Variants in IGSF10 observed in about 807,000 individuals in gnomAD.
IGSF10 encodes immunoglobulin superfamily member 10.
IGSF10 carries 126 observed loss-of-function variants against 128.2 expected under a neutral mutation model. The observed-to-expected ratio is 0.98, with a 90% CI of 0.85 to 1.14. The LOEUF (loss-of-function observed/expected upper bound fraction) is 1.14. Ranked by LOEUF, IGSF10 falls within the 50% of genes most tolerant of loss-of-function variation. The probability of loss-of-function intolerance (pLI) is 0.00; values close to 1 mark genes in which losing one functional copy is unlikely to be tolerated. For missense variants in IGSF10, 3,295 were observed against 3,149.8 expected (o/e 1.05, Z -1.10); for synonymous variants, 1,185 against 1,146.2 (o/e 1.03, Z -0.68).
the IGSF10 span, among the ~76,000 whole-genome samples, chr3:151,505,949 CTTTTT>C: frequency 1.6e-4 from 2 of 12,662 alleles, no homozygotes; most frequent in African/African-American, 2.7e-4. Flanking sequence ...CTTCTTCTTC[CTTTTT>C]TTTTTTTTTT....
chr3:151,495,512 G>A, the IGSF10 span, among the ~76,000 whole-genome samples: 3 of 151,940 alleles, frequency 2.0e-5, no homozygotes, highest in African/African-American at 4.8e-5. Flanking sequence ...CATTATCCGT[G>A]ACAACATTAG....
downstream of IGSF10, chr3:151,434,277 A>C (rs950050997): frequency 6.6e-6 from 1 of 152,190 alleles, no homozygotes; most frequent in Non-Finnish European, 1.5e-5. Flanking sequence ...TTTGCAAATC[A>C]TTATCTATAA....
intron 5 of IGSF10, among the ~76,000 whole-genome samples, chr3:151,451,732 T>C (rs1412783642): frequency 2.6e-5 from 4 of 152,242 alleles, no homozygotes; most frequent in African/African-American, 7.2e-5. Context: ...CTATGACATA[T>C]ATTAAATTTG....
downstream of IGSF10, chr3:151,435,629 T>TAAGTAAGTA (rs914954121): frequency 1.7e-5 from 2 of 115,662 alleles, no homozygotes; most frequent in Admixed American, 1.9e-4. Context: ...AATTCTTAAG[T>TAAGTAAGTA]AAGTACTAGG....
rs771259039 is a variant in IGSF10, at chr3:151,446,052, C to T, written c.3929G>A (p.Ser1310Asn). 5 of 1,613,884 alleles carry T rather than the reference C, an allele frequency of 3.1e-6. No individual in the cohort carries two copies. The highest frequency in any genetic ancestry group is 4.2e-6 in the Non-Finnish European group (5 of 1,180,020). Reference sequence around the variant, plus strand: ...TATTGCTGTTTGCGTTGATATGATGCTTTTTGTACTTGAGTCTTTGCTTAT... The same window carrying T: ...TATTGCTGTTTGCGTTGATATGATGTTTTTTGTACTTGAGTCTTTGCTTAT... Reference protein sequence around the residue: ...SIISKDSSTKSIISTQTAIPA... With the variant: ...SIISKDSSTKNIISTQTAIPA... The change falls in exon 6 of 8, where the codon AGC becomes AAC. Residue 1310 changes from serine to asparagine, a missense_variant. Ser to Asn is a conservative substitution (Grantham distance 46). Transcript: ENST00000282466.
chr3:151,443,305 C>T lies in IGSF10; in HGVS notation c.5642G>A (p.Gly1881Asp), dbSNP rs1477022137. 2.5e-6 allele frequency: 4 copies of T among 1,613,894 alleles called. No individual in the cohort carries two copies. The highest frequency in any genetic ancestry group is 3.4e-6 in the Non-Finnish European group (4 of 1,179,932). ...QPSVYWVLSDGTEVKPLQFTN... is the reference protein window; with the variant it reads ...QPSVYWVLSDDTEVKPLQFTN... The stretch of plus-strand genomic sequence containing the variant: ...AAACTGTAATGGTTTCACTTCAGTG[C>T]CATCAGAGAGGACCCAGTAAACGCT... Residue 1881 changes from glycine (G) to aspartate (D), a missense_variant, in exon 7 of 8, where the codon GGC becomes GAC. Transcript: ENST00000282466.
the IGSF10 span, among the ~76,000 whole-genome samples, chr3:151,548,424 A>G: frequency 6.6e-6 from 1 of 152,214 alleles, no homozygotes; most frequent in African/African-American, 2.4e-5. Flanking sequence ...TGGAGAAGAG[A>G]TAAGCCATTC....
intron 4 of IGSF10, among the ~76,000 whole-genome samples, chr3:151,456,173 A>C (rs1245433360): frequency 6.6e-6 from 1 of 152,242 alleles, no homozygotes; most frequent in East Asian, 1.9e-4. Flanking sequence ...CTGATTAACC[A>C]AATCAACAGA....
chr3:151,617,320 C>CTTCTTCTTCTTCTTCTCCT, the IGSF10 span, among the ~76,000 whole-genome samples: 16 of 83,628 alleles, frequency 1.9e-4, 1 homozygote, highest in East Asian at 1.9e-3. Flanking sequence ...CTTCTTCTTC[C>CTTCTTCTTCTTCTTCTCCT]CCTCCTCCTC....
chr3:151,596,962 C>A, the IGSF10 span, among the ~76,000 whole-genome samples: 1 of 151,928 alleles, frequency 6.6e-6, no homozygotes, highest in African/African-American at 2.4e-5. Flanking sequence ...GCCAGTAGTT[C>A]CTATGAGACT....
the IGSF10 span, among the ~76,000 whole-genome samples, chr3:151,518,611 G>A: frequency 6.6e-6 from 1 of 151,934 alleles, no homozygotes; most frequent in Admixed American, 6.6e-5. Context: ...TTCAAAATAT[G>A]GATATAACTC....
At position 151,449,277 on chromosome 3, in the gene IGSF10, T is replaced by C. The variant is rs770105282; in HGVS notation, c.716-12A>G. The C allele has an allele frequency of 1.9e-6, 3 of 1,556,244 alleles. No individual in the cohort carries two copies. In the Admixed American group the frequency reaches 6.0e-5, roughly 31 times the overall value. On this transcript the variant is annotated splice_polypyrimidine_tract_variant and intron_variant, in intron 5 of 7. Coordinates refer to ENST00000282466, the MANE Select transcript of IGSF10 (RefSeq NM_178822.5). ...GCATTTTATTACATCTGGAAAAAAA[T>C]CACAATTGAATTATCAGTTGTGACC...
At chr3:151,575,493 C>A in the IGSF10 span, among the ~76,000 whole-genome samples, 1 of 152,188 alleles carries the variant, frequency 6.6e-6, no homozygotes, top group African/African-American at 2.4e-5. Flanking sequence ...GCTGCACTAG[C>A]AGTGAGCAAG....
At chr3:151,618,507 G>C in the IGSF10 span, among the ~76,000 whole-genome samples, 1 of 152,040 alleles carries the variant, frequency 6.6e-6, no homozygotes, top group South Asian at 2.1e-4. Flanking sequence ...GAGGCGGGTG[G>C]ATCATGAGGT....
chr3:151,567,794 G>C, the IGSF10 span, among the ~76,000 whole-genome samples: 1 of 152,116 alleles, frequency 6.6e-6, no homozygotes, highest in Non-Finnish European at 1.5e-5. Flanking sequence ...CTATTTTCCT[G>C]CCTTGCCCAT....
At chr3:151,463,523 G>GTTTTTTTTTTTTGTTTTTTTTTTTT (rs1553837067), upstream of IGSF10, among the ~76,000 whole-genome samples, 7 of 31,290 alleles carry the variant, frequency 2.2e-4, 2 homozygotes, top group East Asian at 6.4e-4. Context: ...ACATTTTCTG[G>GTTTTTTTTTTTTGTTTTTTTTTTTT]TTTTTTTTTT....
At chr3:151,510,066 A>G in the IGSF10 span, among the ~76,000 whole-genome samples, 1 of 152,206 alleles carries the variant, frequency 6.6e-6, no homozygotes, top group African/African-American at 2.4e-5. Flanking sequence ...ACAGACAAAC[A>G]AAAGACAGCA....
At position 151,438,603 on chromosome 3, in the gene IGSF10, G is replaced by T. The variant is rs1467250059; in HGVS notation, c.5964-6C>A. On this transcript the variant is annotated splice_polypyrimidine_tract_variant and splice_region_variant and intron_variant, in intron 7 of 7. Coordinates refer to ENST00000282466, the MANE Select transcript of IGSF10 (RefSeq NM_178822.5). The stretch of plus-strand genomic sequence containing the variant: ...CGTGGATCCAGCTGCCCACTCTAAG[G>T]AGAAAAGAGATTCATTTGAGTGTGC... 1.9e-6 allele frequency: 3 copies of T among 1,602,826 alleles called. No individual in the cohort carries two copies. Among genetic ancestry groups the T allele is most frequent in the Non-Finnish European group, 2.6e-6 (3 of 1,172,764 alleles).
the IGSF10 span, among the ~76,000 whole-genome samples, chr3:151,616,859 C>A: frequency 6.6e-6 from 1 of 152,050 alleles, no homozygotes; most frequent in African/African-American, 2.4e-5. Flanking sequence ...ATATTTTTTA[C>A]AATTCTGGAG....
Sources: allele counts gnomAD v4.1 joint callset (sites outside exome capture counted in the v4.1 genomes callset), GRCh38; gene constraint gnomAD v4.1.1; transcripts MANE v1.5; gene names NCBI Gene and HGNC (gene_info 2026-07-23, HGNC 2026-07-21).